Variants in SLC25A34 observed in about 807,000 individuals in gnomAD.
SLC25A34 encodes solute carrier family 25, member 34.
SLC25A34 carries 26 observed loss-of-function variants against 28.1 expected under a neutral mutation model. The observed-to-expected ratio is 0.93, with a 90% CI of 0.68 to 1.28. The LOEUF (loss-of-function observed/expected upper bound fraction) is 1.28. Among genes scored for constraint, SLC25A34 ranks in the 50% most tolerant of loss-of-function variants. The pLI is 0.00. For synonymous variants in SLC25A34, 182 were observed against 182.2 expected (o/e 1.00, Z 0.01); for missense variants, 384 against 409.8 (o/e 0.94, Z 0.54).
At chr1:15,738,929 A>G in intron 4 of SLC25A34, 1 of 659,502 alleles carries the variant, frequency 1.5e-6, no homozygotes, top group Non-Finnish European at 2.4e-6. Flanking sequence ...GCACTTTCAC[A>G]TCTGGATTTT....
chr1:15,739,436 C>A lies in SLC25A34; in HGVS notation c.*30C>A, dbSNP rs752166521. 1.1e-5 allele frequency: 17 copies of A among 1,487,524 alleles called. 1 individual carries two copies. The highest frequency in any genetic ancestry group is 2.4e-5 in the East Asian group (1 of 40,856). 92.1% of individuals were successfully genotyped at this position (1,487,524 alleles called of 1,614,324 possible). A position where few individuals can be genotyped will look rare whatever the true frequency, so the allele number is the denominator to read the frequency against. ...CGGCCCTCACCCCCACGTCCTGACA[C>A]GGCCGGCACTTGGCCGGAAGTGAGA... On this transcript the variant is annotated 3_prime_UTR_variant, in exon 5 of 5. Transcript: ENST00000294454.
chr1:15,738,229 GGGTA>G lies in SLC25A34; in HGVS notation c.582_585del (p.Trp194CysfsTer20). 1 of 1,601,162 alleles carries G rather than the reference GGGTA, an allele frequency of 6.2e-7. No homozygotes were observed. ...GCCACCTTCGCCTCTGCCAAGGCCT[GGGTA>G]CAGAAGCAACAGGTGAGGAGCTGGG... On this transcript the variant is annotated frameshift_variant, in exon 3 of 5. Coordinates refer to ENST00000294454, the MANE Select transcript of SLC25A34 (RefSeq NM_207348.3). LOFTEE classifies it high-confidence loss of function.
Position 15,736,527 on chromosome 1 carries a change from T to C in SLC25A34, c.42T>C (p.Ala14=). Residue 14 remains alanine, a synonymous_variant, in exon 1 of 5, where the codon GCT becomes GCC. Transcript: ENST00000294454. ...CAGCAGTGGACCTGGTGCTGGGTGC[T>C]TCTGCCTGCTGCCTGGCCTGTGTCT... ...VPPAVDLVLG[A]SACCLACVFT... is the part of the protein sequence containing the mutation. The C allele has an allele frequency of 1.4e-6, 2 of 1,451,084 alleles. No homozygotes were observed. Among genetic ancestry groups the C allele is most frequent in the Non-Finnish European group, 1.8e-6 (2 of 1,102,084 alleles). The allele number at this position is 1,451,084 out of a possible 1,614,324, so 89.9% of individuals were successfully genotyped here.
rs183125176 is a variant in SLC25A34, at chr1:15,738,933, G to A, written c.732+205G>A. 26 of 645,760 alleles carry A rather than the reference G, an allele frequency of 4.0e-5. 1 individual carries two copies. The Admixed American group carries it at 8.5e-4, about 21-fold the overall frequency. The allele number at this position is 645,760 out of a possible 1,614,324, so 40.0% of individuals were successfully genotyped here. ...GCACAGGCTAAGCACTTTCACATCT[G>A]GATTTTATTCCATCCTTATAATCAC... On this transcript the variant is annotated intron_variant, in intron 4 of 4. Coordinates refer to ENST00000294454, the MANE Select transcript of SLC25A34 (RefSeq NM_207348.3).
intron 1 of SLC25A34, 79 bp downstream of exon 1, chr1:15,736,942 C>G: frequency 7.0e-7 from 1 of 1,425,008 alleles, no homozygotes; most frequent in Non-Finnish European, 9.2e-7. Context: ...CCTCCAAAGG[C>G]AGGGCTCAGT....
intron 4 of SLC25A34, chr1:15,738,952 T>C: frequency 1.6e-6 from 1 of 608,424 alleles, no homozygotes; most frequent in Non-Finnish European, 2.7e-6. Context: ...TCCATCCTTA[T>C]AATCACATTC....
In SLC25A34 at chr1:15,738,242, A is replaced by G. The variant is rs2068245539; in HGVS notation, c.594A>G (p.Gln198=). ...CTGCCAAGGCCTGGGTACAGAAGCA[A>G]CAGGTGAGGAGCTGGGGACACCTGT... ...FASAKAWVQK[Q]QWLPEDSWLV... The change falls in exon 3 of 5, where the codon CAA becomes CAG. Residue 198 remains glutamine, a synonymous_variant. Transcript: ENST00000294454. The G allele has an allele frequency of 1.3e-6, 2 of 1,597,630 alleles. No individual in the cohort carries two copies. The highest frequency in any genetic ancestry group is 4.5e-5 in the East Asian group (2 of 44,780).
Position 15,737,753 on chromosome 1 carries a change from C to G in SLC25A34, c.379-176C>G, listed in dbSNP as rs1355486804. 5 of 654,460 alleles carry G rather than the reference C, an allele frequency of 7.6e-6. No individual in the cohort carries two copies. The Admixed American group carries it at 1.5e-4, about 19-fold the overall frequency. The allele number at this position is 654,460 out of a possible 1,614,324, so 40.5% of individuals were successfully genotyped here. A position where few individuals can be genotyped will look rare whatever the true frequency, so the allele number is the denominator to read the frequency against. ...CCAAGTCACACTGAGACGCAAAACC[C>G]AGGCCAACCCCAGAGCTGCACCTCA... On this transcript the variant is annotated intron_variant, in intron 1 of 4. Coordinates refer to ENST00000294454, the MANE Select transcript of SLC25A34 (RefSeq NM_207348.3).
At chr1:15,737,320 G>A (rs1486537708) in intron 1 of SLC25A34, among the ~76,000 whole-genome samples, 1 of 152,236 alleles carries the variant, frequency 6.6e-6, no homozygotes, top group Non-Finnish European at 1.5e-5. Flanking sequence ...TGTAATCCCA[G>A]CACTTTGGGA....
rs372158085 is a variant in SLC25A34, at chr1:15,739,368, C to T, written c.877C>T (p.Arg293Trp). 2.5e-5 allele frequency: 39 copies of T among 1,573,960 alleles called. No individual in the cohort carries two copies. Among genetic ancestry groups the T allele is most frequent in the African/African-American group, 9.6e-5 (7 of 72,776 alleles). Residue 293 changes from arginine (R) to tryptophan (W), a missense_variant, in exon 5 of 5, where the codon CGG (arginine) becomes TGG (tryptophan). Physicochemically the swap from Arg to Trp is moderately radical, Grantham distance 101 (BLOSUM62 -3). Coordinates refer to ENST00000294454, the MANE Select transcript of SLC25A34 (RefSeq NM_207348.3). Reference protein sequence around the residue: ...ILSMLFWDELRKLAGRAQHKG... With the variant: ...ILSMLFWDELWKLAGRAQHKG... The stretch of plus-strand genomic sequence containing the variant: ...CAGCATGCTCTTCTGGGACGAGCTT[C>T]GGAAACTGGCTGGGCGGGCCCAGCA...
chr1:15,737,531 C>T (rs2068235877), intron 1 of SLC25A34, among the ~76,000 whole-genome samples: 1 of 150,170 alleles, frequency 6.7e-6, no homozygotes, highest in Non-Finnish European at 1.5e-5. Flanking sequence ...GATCATGGCA[C>T]TGTACTTCAG....
rs907932229 is a variant in SLC25A34, at chr1:15,738,843, C to T, written c.732+115C>T. On this transcript the variant is annotated intron_variant, in intron 4 of 4. Coordinates refer to ENST00000294454, the MANE Select transcript of SLC25A34 (RefSeq NM_207348.3). ...ACTCACACATGCACAGCCAGAGACACGCAGACACAGGCCAGGTATGCAAAC... is the reference window on the plus strand; with the variant it reads ...ACTCACACATGCACAGCCAGAGACATGCAGACACAGGCCAGGTATGCAAAC... 1.9e-5 allele frequency: 25 copies of T among 1,316,672 alleles called. No individual in the cohort carries two copies. The Admixed American group carries it at 2.3e-4, about 12-fold the overall frequency. 81.6% of individuals were successfully genotyped at this position (1,316,672 alleles called of 1,614,324 possible). A position where few individuals can be genotyped will look rare whatever the true frequency, so the allele number is the denominator to read the frequency against.
rs2068272234 is a variant in SLC25A34, at chr1:15,740,743, G to A, written c.*1337G>A. The A allele has an allele frequency of 1.3e-5, 2 of 152,252 alleles. No homozygotes were observed. 9.4% of individuals were successfully genotyped at this position (152,252 alleles called of 1,614,324 possible). ...CTCGCTTTGTTGCCCAGGCTGGAGT[G>A]CGGTGGTGCAATCTCGGCTCACCAC... On this transcript the variant is annotated 3_prime_UTR_variant, in exon 5 of 5. Coordinates refer to ENST00000294454, the MANE Select transcript of SLC25A34 (RefSeq NM_207348.3).
In SLC25A34 at chr1:15,738,701, C is replaced by T. The variant is rs780516861; in HGVS notation, c.705C>T (p.Tyr235=). 1.3e-6 allele frequency: 2 copies of T among 1,591,508 alleles called. No individual in the cohort carries two copies. The highest frequency in any genetic ancestry group is 2.3e-5 in the East Asian group (1 of 44,234). ...TCGATGTGGTCAGCACGCGGCTATA[C>T]AATCAGCCGGTGGACACAGCTGGCA... is the stretch of plus-strand genomic sequence containing the variant. ...TPFDVVSTRL[Y]NQPVDTAGRG... The change falls in exon 4 of 5, where the codon TAC becomes TAT. Residue 235 remains tyrosine, a synonymous_variant. Coordinates refer to ENST00000294454, the MANE Select transcript of SLC25A34 (RefSeq NM_207348.3).
Position 15,737,155 on chromosome 1 carries a change from G to C in SLC25A34, c.378+292G>C, listed in dbSNP as rs1386750914. On this transcript the variant is annotated intron_variant, in intron 1 of 4. Transcript: ENST00000294454. ...TCCTGGCTTGGTTACTTCTCTTCCCGCATGGCCTCATGTACGATAAGAATA... is the reference window on the plus strand; with the variant it reads ...TCCTGGCTTGGTTACTTCTCTTCCCCCATGGCCTCATGTACGATAAGAATA... Among the ~76,000 whole-genome samples the C allele has an allele frequency of 2.0e-5, 3 of 152,204 alleles. No homozygotes were observed. In the East Asian group the frequency reaches 5.8e-4, roughly 29 times the overall value.
intron 4 of SLC25A34, 153 bp from the exon 5 acceptor site, chr1:15,739,071 C>A: frequency 1.0e-6 from 1 of 986,240 alleles, no homozygotes; most frequent in Non-Finnish European, 1.5e-6. Context: ...GACCCCACAG[C>A]CTTCCCATGG....
chr1:15,738,021 C>G (rs1263093238), intron 2 of SLC25A34, 27 bp downstream of exon 2: 2 of 1,613,846 alleles, frequency 1.2e-6, no homozygotes, highest in Admixed American at 3.3e-5. Flanking sequence ...TCAGAGCTCC[C>G]TGGGGGCATG....
chr1:15,736,870 G>A lies in SLC25A34; in HGVS notation c.378+7G>A. On this transcript the variant is annotated splice_region_variant and intron_variant, in intron 1 of 4. Transcript: ENST00000294454. ...GGGGAGCCCTGCTTACCTGGTGAGT[G>A]GCTTGTCTCCATCGTCCACCCTCCA... 1 of 1,529,584 alleles carries A rather than the reference G, an allele frequency of 6.5e-7. No individual in the cohort carries two copies. The allele number at this position is 1,529,584 out of a possible 1,614,324, so 94.8% of individuals were successfully genotyped here. A position where few individuals can be genotyped will look rare whatever the true frequency, so the allele number is the denominator to read the frequency against.
chr1:15,737,585 A>T (rs1167266176), intron 1 of SLC25A34, among the ~76,000 whole-genome samples: 1 of 148,600 alleles, frequency 6.7e-6, no homozygotes, highest in Non-Finnish European at 1.5e-5. Context: ...AAAAAAAAGG[A>T]AAGAAAGAAA....
Sources: gnomAD v4.1 joint callset for allele counts (sites outside exome capture counted in the v4.1 genomes callset) on GRCh38, gnomAD v4.1.1 for gene constraint, MANE v1.5 for transcripts, NCBI Gene and HGNC (gene_info 2026-07-23, HGNC 2026-07-21) for gene names.